The following ADGRL3 variants were observed in gnomAD, a reference collection of about 807,000 sequenced individuals.
The protein encoded by ADGRL3 is calcium-independent alpha-latrotoxin receptor 3.
A neutral mutation model predicts 153.5 loss-of-function variants in ADGRL3; 62 were observed. That is an observed-to-expected ratio of 0.40 (90% CI 0.33 to 0.50). The LOEUF (loss-of-function observed/expected upper bound fraction) is 0.50. Ranked by LOEUF, ADGRL3 falls within the 20% of genes least tolerant of loss-of-function variation. The pLI is 0.47. For synonymous variants in ADGRL3, 710 were observed against 672.5 expected, an observed-to-expected ratio of 1.06 and a Z score of -0.86; for missense variants, 1,641 against 1,859.4, an observed-to-expected ratio of 0.88 and a Z score of 2.16.
At chr4:62,027,037 T>C (rs905612577) in intron 21 of ADGRL3, among the ~76,000 whole-genome samples, 1 of 152,084 alleles carries the variant, frequency 6.6e-6, no homozygotes, top group East Asian at 1.9e-4. Context: ...TTTCTTGACA[T>C]TGTACTATAC....
intron 2 of ADGRL3, among the ~76,000 whole-genome samples, chr4:61,432,085 C>T (rs892197283): frequency 3.9e-5 from 6 of 152,102 alleles, no homozygotes; most frequent in Non-Finnish European, 7.4e-5. Flanking sequence ...GATCTTTTCT[C>T]CTGAATTAGT....
chr4:62,019,823 A>G (rs942687164), intron 21 of ADGRL3, among the ~76,000 whole-genome samples: 1 of 152,146 alleles, frequency 6.6e-6, no homozygotes. Flanking sequence ...GTATACTTCA[A>G]AAGCTTTTAC....
chr4:61,479,448 T>G (rs2098107871), intron 2 of ADGRL3, among the ~76,000 whole-genome samples: 1 of 152,092 alleles, frequency 6.6e-6, no homozygotes, highest in Admixed American at 6.5e-5. Flanking sequence ...AAAGCCTTCC[T>G]TAGATCTATA....
At chr4:62,007,383 T>TATATATATATATACAC (rs71213024) in intron 21 of ADGRL3, among the ~76,000 whole-genome samples, 7 of 30,782 alleles carry the variant, frequency 2.3e-4, no homozygotes, top group Non-Finnish European at 3.9e-4. Flanking sequence ...TATATATATA[T>TATATATATATATACAC]ACACACACAC....
At chr4:62,014,482 TA>T (rs2099202018) in intron 21 of ADGRL3, among the ~76,000 whole-genome samples, 2 of 152,156 alleles carry the variant, frequency 1.3e-5, no homozygotes, top group South Asian at 2.1e-4. Flanking sequence ...AGGAATAGCC[TA>T]TAATACAAGT....
intron 25 of ADGRL3, among the ~76,000 whole-genome samples, chr4:62,066,013 A>G (rs552689200): frequency 6.6e-6 from 1 of 152,052 alleles, no homozygotes; most frequent in Non-Finnish European, 1.5e-5. Flanking sequence ...TGACTTTTTT[A>G]AAAAACCAAA....
chr4:61,517,946 TAG>T (rs975627777), intron 4 of ADGRL3, among the ~76,000 whole-genome samples: 23 of 152,310 alleles, frequency 1.5e-4, no homozygotes, highest in African/African-American at 5.3e-4. Context: ...ACGTCTTGGT[TAG>T]GAATTGCACA....
intron 9 of ADGRL3, among the ~76,000 whole-genome samples, chr4:61,841,284 G>C (rs1377599262): frequency 6.7e-6 from 1 of 149,376 alleles, no homozygotes; most frequent in Non-Finnish European, 1.5e-5. Flanking sequence ...TCGCTACCAG[G>C]TTATTCCAAT....
intron 4 of ADGRL3, among the ~76,000 whole-genome samples, chr4:61,539,627 T>A (rs1231778613): frequency 6.6e-6 from 1 of 152,122 alleles, no homozygotes; most frequent in African/African-American, 2.4e-5. Flanking sequence ...GTGTGCATCG[T>A]CTCAGTTCAG....
intron 17 of ADGRL3, among the ~76,000 whole-genome samples, chr4:61,972,909 G>C (rs980756957): frequency 6.6e-6 from 1 of 151,778 alleles, no homozygotes; most frequent in Non-Finnish European, 1.5e-5. Context: ...AGTAAAACAG[G>C]TTCTTGATAA....
chr4:61,791,939 T>G (rs1040575598), intron 8 of ADGRL3, among the ~76,000 whole-genome samples: 2 of 152,138 alleles, frequency 1.3e-5, no homozygotes, highest in East Asian at 3.9e-4. Flanking sequence ...GCCCGGCCCA[T>G]GAAACCACTT....
At chr4:61,950,398 G>A (rs2098942470) in intron 17 of ADGRL3, among the ~76,000 whole-genome samples, 1 of 152,140 alleles carries the variant, frequency 6.6e-6, no homozygotes, top group Non-Finnish European at 1.5e-5. Flanking sequence ...AGAGATTAAT[G>A]TATTAGCCAG....
chr4:61,308,476 T>C (rs1019749172), intron 1 of ADGRL3, among the ~76,000 whole-genome samples: 11 of 152,186 alleles, frequency 7.2e-5, no homozygotes, highest in Non-Finnish European at 1.6e-4. Flanking sequence ...GTGCATACTT[T>C]AGGTGTTTTT....
At chr4:61,464,968 C>G (rs2097861991) in intron 2 of ADGRL3, among the ~76,000 whole-genome samples, 1 of 152,046 alleles carries the variant, frequency 6.6e-6, no homozygotes, top group South Asian at 2.1e-4. Flanking sequence ...CAAACTGAAC[C>G]AAAAAACTCT....
chr4:61,711,703 C>T (rs2095995758), intron 6 of ADGRL3, among the ~76,000 whole-genome samples: 1 of 151,456 alleles, frequency 6.6e-6, no homozygotes, highest in African/African-American at 2.4e-5. Flanking sequence ...CAAAAGTGCA[C>T]TACAAAAACA....
At chr4:61,313,486 C>A (rs141510340) in intron 1 of ADGRL3, among the ~76,000 whole-genome samples, 38 of 152,226 alleles carry the variant, frequency 2.5e-4, no homozygotes, top group South Asian at 4.1e-4. Flanking sequence ...TGTGCCCATG[C>A]AGGGGAGAAG....
chr4:61,682,724 T>C (rs2095363858), intron 6 of ADGRL3, among the ~76,000 whole-genome samples: 1 of 151,988 alleles, frequency 6.6e-6, no homozygotes, highest in South Asian at 2.1e-4. Context: ...TTCTCACAGG[T>C]TCTAGTCATA....
intron 17 of ADGRL3, among the ~76,000 whole-genome samples, chr4:61,954,668 A>G (rs967391444): frequency 2.6e-5 from 4 of 151,904 alleles, no homozygotes; most frequent in Non-Finnish European, 4.4e-5. Context: ...CCTTTCCACA[A>G]AAACATCAGA....
rs1333989795 is a variant in ADGRL3 at position 61,258,684 on chromosome 4, GTGT to G, written c.-240+56923_-240+56925del. On this transcript the variant is annotated intron_variant, in intron 1 of 26. Coordinates refer to ENST00000683033, the MANE Select transcript of ADGRL3 (RefSeq NM_001387552.1). ...GTGAATTATTATTGACACTTCTAAG[GTGT>G]TGTCTAACCAGTGGGAGCGTACACC... Among the ~76,000 whole-genome samples, 4 of 152,042 alleles carry G rather than the reference GTGT, an allele frequency of 2.6e-5. No homozygotes were observed. The South Asian group carries it at 6.2e-4, about 24-fold the overall frequency.
Sources: allele counts gnomAD v4.1 joint callset (sites outside exome capture counted in the v4.1 genomes callset), GRCh38; gene constraint gnomAD v4.1.1; transcripts MANE v1.5; gene names NCBI Gene and HGNC (gene_info 2026-07-23, HGNC 2026-07-21).